The following CSMD1 variants were observed in gnomAD, a reference collection of about 807,000 sequenced individuals.
The protein encoded by CSMD1 is CUB and Sushi multiple domains 1.
Under a neutral mutation model 417.5 loss-of-function variants are expected in CSMD1, and 213 were observed. The ratio of observed to expected loss-of-function variants is 0.51; its 90% CI spans 0.46 to 0.57. CSMD1 has a LOEUF of 0.57. Ranked by LOEUF, CSMD1 falls within the 20% of genes least tolerant of loss-of-function variation. CSMD1 has a pLI of 0.00. For missense variants in CSMD1, 6,923 were observed against 4,529.7 expected (o/e 1.53, Z -15.17); for synonymous variants, 2,862 against 1,736.8 (o/e 1.65, Z -16.11).
At chr8:4,282,342 A>G (rs997097421) in intron 3 of CSMD1, among the ~76,000 whole-genome samples, 1 of 152,152 alleles carries the variant, frequency 6.6e-6, no homozygotes, top group African/African-American at 2.4e-5. Context: ...CATAACACAG[A>G]TCTTCTGGCC....
At chr8:4,910,484 G>C (rs2117086726) in intron 1 of CSMD1, among the ~76,000 whole-genome samples, 1 of 152,148 alleles carries the variant, frequency 6.6e-6, no homozygotes, top group East Asian at 1.9e-4. Context: ...GTCTTGCCTG[G>C]TTTCTAGAAG....
At chr8:2,962,407 G>T in intron 61 of CSMD1, 59 bp downstream of exon 61, 1 of 1,463,746 alleles carries the variant, frequency 6.8e-7, no homozygotes, top group South Asian at 1.3e-5. Context: ...ATTTCGGAAT[G>T]AAGCGTCCTC....
chr8:4,028,656 G>C (rs1797186952), intron 4 of CSMD1, among the ~76,000 whole-genome samples: 2 of 152,110 alleles, frequency 1.3e-5, no homozygotes, highest in African/African-American at 2.4e-5. Flanking sequence ...ACTTGTGTTT[G>C]GGTCATAACA....
chr8:3,793,336 C>G (rs1310860389), intron 5 of CSMD1, among the ~76,000 whole-genome samples: 2 of 152,204 alleles, frequency 1.3e-5, no homozygotes, highest in Admixed American at 6.5e-5. Flanking sequence ...GCTAGAATGT[C>G]CATGACTATC....
chr8:3,192,451 C>A (rs1010560882), intron 33 of CSMD1, among the ~76,000 whole-genome samples: 2 of 152,150 alleles, frequency 1.3e-5, no homozygotes, highest in Non-Finnish European at 2.9e-5. Context: ...TCTACACGTG[C>A]TTTATCCTTG....
intron 18 of CSMD1, among the ~76,000 whole-genome samples, chr8:3,370,580 T>C (rs745467906): frequency 6.6e-6 from 1 of 152,226 alleles, no homozygotes; most frequent in Non-Finnish European, 1.5e-5. Context: ...AGGGTGCTGC[T>C]AGGACAGATT....
Position 3,343,406 on chromosome 8 carries a change from G to C in CSMD1, c.3519C>G (p.Phe1173Leu). Residue 1173 changes from phenylalanine (F) to leucine (L), a missense_variant, in exon 23 of 70, where the codon TTC (phenylalanine) becomes TTG (leucine). Coordinates refer to ENST00000635120, the MANE Select transcript of CSMD1 (RefSeq NM_033225.6). Reference protein sequence around the residue: ...KDSSSRPLGTFTKNELLGLIL... With the variant: ...KDSSSRPLGTLTKNELLGLIL... ...TCAGCCCCAGAAGTTCATTTTTAGT[G>C]AACGTGCCCAGTGGACGTGAGGAAC... 1 of 1,613,810 alleles carries C rather than the reference G, an allele frequency of 6.2e-7. No individual in the cohort carries two copies. Among genetic ancestry groups the C allele is most frequent in the Non-Finnish European group, 8.5e-7 (1 of 1,179,758 alleles).
At chr8:3,925,642 G>A (rs919704147) in intron 5 of CSMD1, among the ~76,000 whole-genome samples, 1 of 151,912 alleles carries the variant, frequency 6.6e-6, no homozygotes, top group Non-Finnish European at 1.5e-5. Flanking sequence ...GATCTGATGG[G>A]CTTATCAGAG....
intron 15 of CSMD1, 100 bp downstream of exon 15, chr8:3,405,927 G>T: frequency 9.0e-7 from 1 of 1,114,966 alleles, no homozygotes; most frequent in South Asian, 1.5e-5. Flanking sequence ...TTTTGTTAGG[G>T]CAGCCCTAGC....
Position 4,722,989 on chromosome 8 carries a change from A to T in CSMD1, c.86-85431T>A, listed in dbSNP as rs899565254. ...GAGTGCTAAGGTATCATTTTTCTTT[A>T]CTTGTGGCATTACAAGAGTCTCACT... On this transcript the variant is annotated intron_variant, in intron 1 of 69. Coordinates refer to ENST00000635120, the MANE Select transcript of CSMD1 (RefSeq NM_033225.6). 1.3e-5 allele frequency among the ~76,000 whole-genome samples: 2 copies of T among 152,192 alleles called. 1 individual carries two copies. The highest frequency in any genetic ancestry group is 6.8e-3 in the Middle Eastern group (2 of 294).
At chr8:3,873,152 T>C (rs1207236173) in intron 5 of CSMD1, among the ~76,000 whole-genome samples, 3 of 152,034 alleles carry the variant, frequency 2.0e-5, no homozygotes, top group Non-Finnish European at 4.4e-5. Flanking sequence ...TGATGATTCC[T>C]CAAAGACCTA....
chr8:4,147,028 T>C (rs1804179046), intron 3 of CSMD1, among the ~76,000 whole-genome samples: 1 of 151,968 alleles, frequency 6.6e-6, no homozygotes, highest in Admixed American at 6.6e-5. Flanking sequence ...GAGTCAGAGA[T>C]CGGGGGTTTT....
chr8:3,598,845 G>T (rs747623818), intron 8 of CSMD1, among the ~76,000 whole-genome samples: 10 of 152,094 alleles, frequency 6.6e-5, no homozygotes, highest in Admixed American at 6.6e-4. Flanking sequence ...CACTTTGGGA[G>T]GCCGACACAG....
chr8:4,563,686 G>T (rs1213266751), intron 2 of CSMD1, among the ~76,000 whole-genome samples: 1 of 152,078 alleles, frequency 6.6e-6, no homozygotes, highest in Non-Finnish European at 1.5e-5. Context: ...AAATTTAAAG[G>T]AAATTCCTCC....
chr8:3,217,017 C>A (rs1425720053), intron 29 of CSMD1, among the ~76,000 whole-genome samples: 1 of 151,936 alleles, frequency 6.6e-6, no homozygotes, highest in Non-Finnish European at 1.5e-5. Flanking sequence ...GGCATCATTT[C>A]TCCAGGCTAG....
At chr8:4,846,863 A>T (rs1025135073) in intron 1 of CSMD1, among the ~76,000 whole-genome samples, 1 of 152,196 alleles carries the variant, frequency 6.6e-6, no homozygotes, top group African/African-American at 2.4e-5. Context: ...CTATATCTGT[A>T]AATATTCTTG....
chr8:3,631,881 C>G (rs1333721464), intron 7 of CSMD1, among the ~76,000 whole-genome samples: 3 of 152,118 alleles, frequency 2.0e-5, no homozygotes, highest in Non-Finnish European at 4.4e-5. Context: ...CCAAAGATAA[C>G]CTGACTTTAT....
chr8:3,940,156 G>C (rs930513744), intron 5 of CSMD1, among the ~76,000 whole-genome samples: 4 of 151,938 alleles, frequency 2.6e-5, no homozygotes, highest in East Asian at 1.9e-4. Flanking sequence ...TTTTAAGCTT[G>C]TCATTGTGTT....
chr8:3,927,909 AT>A (rs1809859578), intron 5 of CSMD1, among the ~76,000 whole-genome samples: 1 of 152,130 alleles, frequency 6.6e-6, no homozygotes, highest in Non-Finnish European at 1.5e-5. Context: ...CTAAAAAATC[AT>A]TTTACATCAA....
Sources: allele counts gnomAD v4.1 joint callset (sites outside exome capture counted in the v4.1 genomes callset), GRCh38; gene constraint gnomAD v4.1.1; transcripts MANE v1.5; gene names NCBI Gene and HGNC (gene_info 2026-07-23, HGNC 2026-07-21).